Variants in AFF2 observed in about 807,000 individuals in gnomAD.
AFF2 encodes ALF transcription elongation factor 2, also known as AF4/FMR2 family member 2.
AFF2 carries 14 observed loss-of-function variants against 76.9 expected under a neutral mutation model. The ratio of observed to expected loss-of-function variants is 0.18; its 90% confidence interval spans 0.12 to 0.28. The LOEUF (loss-of-function observed/expected upper bound fraction) is 0.28. AFF2 is among the 10% of genes least tolerant of loss of function. The probability of loss-of-function intolerance (pLI) is 1.00; values close to 1 mark genes in which losing one functional copy is unlikely to be tolerated. For missense variants in AFF2, 868 were observed against 1,001.1 expected, an observed-to-expected ratio of 0.87 and a Z score of 1.79; for synonymous variants, 398 against 366.7, an observed-to-expected ratio of 1.09 and a Z score of -0.98.
At chrX:148,513,849 G>A (rs1319545227) in intron 1 of AFF2, among the ~76,000 whole-genome samples, 1 of 110,288 alleles carries the variant, frequency 9.1e-6, no homozygotes, top group African/African-American at 3.3e-5. Flanking sequence ...GCTGGGCCTC[G>A]GTTTTCTTAG....
At chrX:148,821,892 A>G (rs781926127) in intron 4 of AFF2, among the ~76,000 whole-genome samples, 1 of 111,666 alleles carries the variant, frequency 9.0e-6, no homozygotes, top group East Asian at 2.8e-4. Context: ...TAGGTGCATA[A>G]AAAGTGCATA....
At position 148,998,206 on chromosome X, in the gene AFF2, G is replaced by GTTTCT. The variant is rs1167987495; in HGVS notation, c.*6877_*6878insCTTTT. ...TTTGGATCCTGCAAAGAAGAGATTGGTTTATTTTCTTTTCTGGTGGTGGTA... is the reference window on the plus strand; with the variant it reads ...TTTGGATCCTGCAAAGAAGAGATTGGTTTCTTTTATTTTCTTTTCTGGTGGTGGTA... On this transcript the variant is annotated 3_prime_UTR_variant, in exon 21 of 21. Transcript: ENST00000370460. 1 of 111,374 alleles carries GTTTCT rather than the reference G, an allele frequency of 9.0e-6. No homozygotes were observed. Among genetic ancestry groups the GTTTCT allele is most frequent in the Non-Finnish European group, 1.9e-5 (1 of 53,002 alleles). 9.2% of individuals were successfully genotyped at this position (111,374 alleles called of 1,213,427 possible). A position where few individuals can be genotyped will look rare whatever the true frequency, so the allele number is the denominator to read the frequency against.
At chrX:148,691,171 A>G (rs2054647381) in intron 3 of AFF2, among the ~76,000 whole-genome samples, 1 of 111,889 alleles carries the variant, frequency 8.9e-6, no homozygotes, top group Admixed American at 9.5e-5. Context: ...AACAGGGATG[A>G]TAATAGATTC....
chrX:148,881,483 A>T (rs1296220763), intron 7 of AFF2, among the ~76,000 whole-genome samples: 1 of 111,365 alleles, frequency 9.0e-6, no homozygotes, highest in Non-Finnish European at 1.9e-5. Context: ...TACGGTCTGG[A>T]TGTTTCCTCT....
At position 148,993,901 on chromosome X, in the gene AFF2, T is replaced by C. The variant is rs2072562076; in HGVS notation, c.*2569T>C. 1 of 112,525 alleles carries C rather than the reference T, an allele frequency of 8.9e-6. No homozygotes were observed. The allele number at this position is 112,525 out of a possible 1,213,427, so 9.3% of individuals were successfully genotyped here. On this transcript the variant is annotated 3_prime_UTR_variant, in exon 21 of 21. Transcript: ENST00000370460. ...CAGTTTCATGATTAAGGATTGTTGC[T>C]GTTTTATAGTTACTCTGTTCATCAC...
At chrX:148,736,494 C>A (rs139272968) in intron 3 of AFF2, among the ~76,000 whole-genome samples, 2 of 109,612 alleles carry the variant, frequency 1.8e-5, no homozygotes, top group African/African-American at 6.7e-5. Flanking sequence ...TGTTTGAGTT[C>A]GTTGTAGATT....
In AFF2 at chrX:148,953,655, G is replaced by A. The variant is rs1242976697; in HGVS notation, c.1473G>A (p.Glu491=). 4 of 1,211,611 alleles carry A rather than the reference G, an allele frequency of 3.3e-6. No individual in the cohort carries two copies. Among genetic ancestry groups the A allele is most frequent in the Non-Finnish European group, 4.5e-6 (4 of 895,409 alleles). The change falls in exon 10 of 21, where the codon GAG becomes GAA. Residue 491 remains glutamate, a synonymous_variant. Coordinates refer to ENST00000370460, the MANE Select transcript of AFF2 (RefSeq NM_002025.4). The part of the protein sequence containing the change: ...SGGSGSSSES[E]SSSESDSDTE... ...GTTCTGGCAGCTCCAGCGAATCGGA[G>A]AGCAGCTCTGAGTCGGATTCAGACA...
At chrX:148,759,283 A>G (rs1300095336) in intron 3 of AFF2, among the ~76,000 whole-genome samples, 1 of 112,287 alleles carries the variant, frequency 8.9e-6, no homozygotes, top group African/African-American at 3.2e-5. Flanking sequence ...TCACTCGTTT[A>G]GTTCACATGA....
chrX:148,804,768 A>G (rs1241830336), intron 3 of AFF2, among the ~76,000 whole-genome samples: 2 of 112,445 alleles, frequency 1.8e-5, no homozygotes, highest in Non-Finnish European at 3.8e-5. Flanking sequence ...ACTTCTGTCT[A>G]CAGCTTATGC....
intron 19 of AFF2, among the ~76,000 whole-genome samples, chrX:148,983,894 G>C (rs1302436721): frequency 1.1e-5 from 1 of 89,342 alleles, no homozygotes; most frequent in Non-Finnish European, 2.1e-5. Flanking sequence ...GGTGTTCATT[G>C]AGAACATATA....
Position 148,967,029 on chromosome X carries a change from A to G in AFF2, c.3153A>G (p.Leu1051=), listed in dbSNP as rs143384205. 417 of 1,209,317 alleles carry G rather than the reference A, an allele frequency of 3.4e-4. 2 individuals are homozygous for G. In the African/African-American group the frequency reaches 6.0e-3, roughly 17 times the overall value. ...CGTCCTGGGCGGCTCTGCCCCTTCT[A>G]TCCAGCAGCAGCACTAATGTCCGGA... is the stretch of plus-strand genomic sequence containing the variant. ...EMTSWAALPL[L]SSSSTNVRRP... The change falls in exon 14 of 21, where the codon CTA becomes CTG. Residue 1051 remains leucine, a synonymous_variant. Coordinates refer to ENST00000370460, the MANE Select transcript of AFF2 (RefSeq NM_002025.4).
At chrX:148,829,994 T>G (rs782278700) in intron 4 of AFF2, among the ~76,000 whole-genome samples, 1 of 112,381 alleles carries the variant, frequency 8.9e-6, no homozygotes, top group East Asian at 2.8e-4. Context: ...TTCTGTGGAC[T>G]AAACTTTCCC....
At chrX:148,667,587 G>A (rs146564065) in intron 3 of AFF2, among the ~76,000 whole-genome samples, 123 of 112,023 alleles carry the variant, frequency 1.1e-3, no homozygotes, top group African/African-American at 3.9e-3. Flanking sequence ...CACAATCATG[G>A]TGGAAGGTGA....
intron 1 of AFF2, among the ~76,000 whole-genome samples, chrX:148,519,797 G>C (rs1342500686): frequency 9.0e-6 from 1 of 111,380 alleles, no homozygotes; most frequent in Non-Finnish European, 1.9e-5. Flanking sequence ...AAGATATGTG[G>C]TCCTAATACC....
chrX:148,590,158 A>G (rs2053509558), intron 1 of AFF2, among the ~76,000 whole-genome samples: 1 of 108,031 alleles, frequency 9.3e-6, no homozygotes, highest in African/African-American at 3.4e-5. Flanking sequence ...TTTATACTGC[A>G]GAGCTGGCAG....
chrX:148,979,422 G>A (rs782098103), intron 18 of AFF2, among the ~76,000 whole-genome samples: 1 of 111,646 alleles, frequency 9.0e-6, no homozygotes, highest in African/African-American at 3.3e-5. Context: ...TATACAACAG[G>A]CCCTCTTCTC....
chrX:148,786,684 C>A (rs1164861295), intron 3 of AFF2, among the ~76,000 whole-genome samples: 1 of 112,074 alleles, frequency 8.9e-6, no homozygotes, highest in African/African-American at 3.2e-5. Flanking sequence ...GGCCCTATAA[C>A]TAAAGAAGGT....
chrX:148,962,996 C>G, intron 13 of AFF2, 59 bp downstream of exon 13: 1 of 825,314 alleles, frequency 1.2e-6, no homozygotes, highest in Non-Finnish European at 1.8e-6. Flanking sequence ...ACCAGCTCAT[C>G]TAACTTGATC....
chrX:148,704,055 C>T (rs1026143853), intron 3 of AFF2, among the ~76,000 whole-genome samples: 4 of 102,925 alleles, frequency 3.9e-5, no homozygotes, highest in Admixed American at 2.3e-4. Flanking sequence ...GCCACCACAC[C>T]CTGCTAATAT....
Sources: allele counts gnomAD v4.1 joint callset (sites outside exome capture counted in the v4.1 genomes callset), GRCh38; gene constraint gnomAD v4.1.1; transcripts MANE v1.5; gene names NCBI Gene and HGNC (gene_info 2026-07-23, HGNC 2026-07-21).